The following RALYL variants were observed in gnomAD, a reference collection of about 807,000 sequenced individuals.
RALYL encodes RNA-binding Raly-like protein.
Under a neutral mutation model 35.1 loss-of-function variants are expected in RALYL, and 29 were observed. The ratio of observed to expected loss-of-function variants is 0.83; its 90% confidence interval spans 0.61 to 1.13. RALYL has a LOEUF of 1.13. RALYL is among the 50% of genes most tolerant of loss of function. The pLI is 0.00. For missense variants in RALYL, 359 were observed against 360.4 expected (o/e 1.00, Z 0.03); for synonymous variants, 120 against 127.6 (o/e 0.94, Z 0.40).
At chr8:84,733,045 T>C (rs1846539808) in intron 2 of RALYL, among the ~76,000 whole-genome samples, 1 of 152,096 alleles carries the variant, frequency 6.6e-6, no homozygotes. Flanking sequence ...GGTCCTCTTG[T>C]GGCCCAGAGT....
chr8:84,817,804 C>G lies in RALYL; in HGVS notation c.365+13002C>G, dbSNP rs1827704906. ...TCCTGATTTCTAGCAATCTTCCCACCTCATCCTCCAAAAGTGCTGGGATTA... is the reference window on the plus strand; with the variant it reads ...TCCTGATTTCTAGCAATCTTCCCACGTCATCCTCCAAAAGTGCTGGGATTA... On this transcript the variant is annotated intron_variant, in intron 4 of 8. Coordinates refer to ENST00000521268, the MANE Select transcript of RALYL (RefSeq NM_173848.7). 2.0e-5 allele frequency among the ~76,000 whole-genome samples: 3 copies of G among 152,056 alleles called. 1 individual carries two copies. The South Asian group carries it at 6.2e-4, about 32-fold the overall frequency.
chr8:84,234,768 T>A (rs1006201830), intron 1 of RALYL, among the ~76,000 whole-genome samples: 4 of 138,558 alleles, frequency 2.9e-5, no homozygotes, highest in East Asian at 2.1e-4. Context: ...TTTATTTATT[T>A]ATTTTTTTTT....
intron 1 of RALYL, among the ~76,000 whole-genome samples, chr8:84,259,023 C>T (rs149325975): frequency 0.017 from 2,517 of 152,192 alleles, 24 homozygotes; most frequent in Middle Eastern, 0.048. Context: ...GAACTCAGAC[C>T]TCATCTTACT....
intron 2 of RALYL, among the ~76,000 whole-genome samples, chr8:84,580,374 A>T (rs1245076864): frequency 6.6e-6 from 1 of 152,210 alleles, no homozygotes; most frequent in East Asian, 1.9e-4. Context: ...GAGGGTGCTG[A>T]CATATGCTCA....
intron 1 of RALYL, among the ~76,000 whole-genome samples, chr8:84,372,884 C>CTTTTTTTTTTGTTTTGTTT (rs1586678809): frequency 5.3e-5 from 1 of 18,726 alleles, no homozygotes; most frequent in African/African-American, 3.0e-4. Context: ...ATGCCAGCAT[C>CTTTTTTTTTTGTTTTGTTT]TGTTTTTTTT....
chr8:84,874,923 C>T (rs1288583229), intron 7 of RALYL, among the ~76,000 whole-genome samples: 6 of 152,200 alleles, frequency 3.9e-5, no homozygotes, highest in South Asian at 2.1e-4. Context: ...GACTTTCATA[C>T]GGCTCATTTT....
chr8:84,268,089 T>C (rs1259186201), intron 1 of RALYL, among the ~76,000 whole-genome samples: 1 of 152,194 alleles, frequency 6.6e-6, no homozygotes, highest in African/African-American at 2.4e-5. Context: ...CTACTTTGAA[T>C]ATCCCTGAGA....
At chr8:84,379,681 C>T (rs1421178309) in intron 1 of RALYL, among the ~76,000 whole-genome samples, 1 of 151,266 alleles carries the variant, frequency 6.6e-6, no homozygotes, top group Non-Finnish European at 1.5e-5. Context: ...AAAACAAAAA[C>T]AAAAAACTAA....
chr8:84,819,029 C>A (rs1350967118), intron 4 of RALYL, among the ~76,000 whole-genome samples: 2 of 152,108 alleles, frequency 1.3e-5, no homozygotes, highest in Non-Finnish European at 2.9e-5. Flanking sequence ...ATGGCCAATT[C>A]AATGCCTGTC....
intron 1 of RALYL, among the ~76,000 whole-genome samples, chr8:84,284,172 C>A (rs190007220): frequency 5.9e-5 from 9 of 152,062 alleles, no homozygotes; most frequent in Non-Finnish European, 1.3e-4. Context: ...GAAAATATTG[C>A]GATGAGATGC....
chr8:84,884,748 T>C (rs1000778821), intron 7 of RALYL, among the ~76,000 whole-genome samples: 3 of 152,034 alleles, frequency 2.0e-5, no homozygotes, highest in African/African-American at 7.2e-5. Context: ...AATGTTTGGG[T>C]TTAAAAAATT....
intron 2 of RALYL, among the ~76,000 whole-genome samples, chr8:84,743,396 G>C (rs1807830887): frequency 6.6e-6 from 1 of 151,846 alleles, no homozygotes; most frequent in Middle Eastern, 3.4e-3. Context: ...ATGATGAAAT[G>C]TCATTTAGCA....
intron 4 of RALYL, among the ~76,000 whole-genome samples, chr8:84,849,560 T>A (rs1205741587): frequency 6.7e-6 from 1 of 148,190 alleles, no homozygotes; most frequent in Non-Finnish European, 1.5e-5. Context: ...TTTTTGTTTT[T>A]GTTTTTTTTT....
chr8:84,707,679 T>C (rs1841452840), intron 2 of RALYL, among the ~76,000 whole-genome samples: 1 of 152,174 alleles, frequency 6.6e-6, no homozygotes, highest in Non-Finnish European at 1.5e-5. Flanking sequence ...TCAACTATTT[T>C]ATGTTGCATT....
In RALYL at chr8:84,791,906, T is replaced by C. The variant is rs560647644; in HGVS notation, c.333-12864T>C. 1.1e-4 allele frequency among the ~76,000 whole-genome samples: 16 copies of C among 152,326 alleles called. No individual in the cohort carries two copies. The South Asian group carries it at 3.3e-3, about 32-fold the overall frequency. On this transcript the variant is annotated intron_variant, in intron 3 of 8. Coordinates refer to ENST00000521268, the MANE Select transcript of RALYL (RefSeq NM_173848.7). ...AGAGTGAAACAGGAGAGTTCCCTGT[T>C]TCCCCCCCGGCAGGATGTGACAGGG...
intron 2 of RALYL, among the ~76,000 whole-genome samples, chr8:84,620,293 C>G (rs1221610149): frequency 2.6e-5 from 4 of 152,096 alleles, no homozygotes; most frequent in Non-Finnish European, 4.4e-5. Flanking sequence ...TTGCTCATTT[C>G]TTTTTATTAC....
chr8:84,207,594 G>C (rs1174013900), intron 1 of RALYL, among the ~76,000 whole-genome samples: 1 of 151,968 alleles, frequency 6.6e-6, no homozygotes. Flanking sequence ...TTGGTCAAAG[G>C]TACAGTGTTT....
intron 4 of RALYL, among the ~76,000 whole-genome samples, 155 bp downstream of exon 4, chr8:84,804,957 A>G (rs1381728054): frequency 6.6e-6 from 1 of 152,208 alleles, no homozygotes; most frequent in East Asian, 1.9e-4. Context: ...AGACTTAACT[A>G]AAATGCTCCC....
intron 2 of RALYL, among the ~76,000 whole-genome samples, chr8:84,615,734 G>C (rs201050571): frequency 8.4e-6 from 1 of 119,588 alleles, no homozygotes; most frequent in African/African-American, 3.3e-5. Context: ...TCCCAATGCT[G>C]TCCCTCCCCC....
Sources: allele counts gnomAD v4.1 joint callset (sites outside exome capture counted in the v4.1 genomes callset), GRCh38; gene constraint gnomAD v4.1.1; transcripts MANE v1.5; gene names NCBI Gene and HGNC (gene_info 2026-07-23, HGNC 2026-07-21).